The following DOCK6 variants were observed in gnomAD, a reference collection of about 807,000 sequenced individuals.
The protein encoded by DOCK6 is dedicator of cytokinesis protein 6.
In DOCK6, 167 loss-of-function variants were observed where a neutral mutation model predicts 230.3. The ratio of observed to expected loss-of-function variants is 0.73; its 90% CI spans 0.64 to 0.82. The LOEUF is 0.82. Among genes scored for constraint, DOCK6 ranks in the 40% least tolerant of loss-of-function variants. The probability of loss-of-function intolerance (pLI) is 0.00; values close to 1 mark genes in which losing one functional copy is unlikely to be tolerated. For missense variants in DOCK6, 2,598 were observed against 2,825.8 expected, an observed-to-expected ratio of 0.92 and a Z score of 1.83; for synonymous variants, 1,148 against 1,185.0, an observed-to-expected ratio of 0.97 and a Z score of 0.64.
In DOCK6 at chr19:11,204,729, T is replaced by A. The variant is rs150791982; in HGVS notation, c.5089-398A>T. On this transcript the variant is annotated intron_variant, in intron 39 of 47. Coordinates refer to ENST00000294618, the MANE Select transcript of DOCK6 (RefSeq NM_020812.4). ...TAATTTTATTTTAGTTTTTGTAGAG[T>A]CAGGGTCTCACTATATTGCCCTAGT... Among the ~76,000 whole-genome samples, 126 of 151,976 alleles carry A rather than the reference T, an allele frequency of 8.3e-4. 1 individual carries two copies. Among genetic ancestry groups the A allele is most frequent in the African/African-American group, 3.0e-3 (124 of 41,430 alleles).
chr19:11,225,279 T>C (rs2079646752), intron 24 of DOCK6, among the ~76,000 whole-genome samples: 1 of 152,140 alleles, frequency 6.6e-6, no homozygotes, highest in Non-Finnish European at 1.5e-5. Flanking sequence ...ATCTCTTTCT[T>C]GGGGTAGTTT....
At chr19:11,215,532 G>T in intron 31 of DOCK6, 61 bp from the exon 32 acceptor site, 1 of 1,501,666 alleles carries the variant, frequency 6.7e-7, no homozygotes, top group East Asian at 2.3e-5. Context: ...GTGAACATCA[G>T]GAGAAATGCA....
In DOCK6 at chr19:11,213,069, T is replaced by C. The variant is rs938577970; in HGVS notation, c.4491+107A>G. On this transcript the variant is annotated intron_variant, in intron 35 of 47. Coordinates refer to ENST00000294618, the MANE Select transcript of DOCK6 (RefSeq NM_020812.4). ...CATTCTGAGCCCTCCTCCTGCTCAT[T>C]ATGCTCAATGACTGTCTCCCCCTCC... 3 of 1,424,304 alleles carry C rather than the reference T, an allele frequency of 2.1e-6. No homozygotes were observed. In the African/African-American group the frequency reaches 4.2e-5, roughly 20 times the overall value. 88.2% of individuals were successfully genotyped at this position (1,424,304 alleles called of 1,614,324 possible). A position where few individuals can be genotyped will look rare whatever the true frequency, so the allele number is the denominator to read the frequency against.
intron 21 of DOCK6, among the ~76,000 whole-genome samples, chr19:11,235,253 C>A (rs1051245797): frequency 6.6e-6 from 1 of 152,014 alleles, no homozygotes; most frequent in Non-Finnish European, 1.5e-5. Context: ...ATTACAGGCA[C>A]CTACCACCAT....
chr19:11,261,147 GACCCTGTACATTCT>G lies in DOCK6; in HGVS notation c.44+1236_44+1249del, dbSNP rs377516470. ...TCAAAGTCCCTTGCACAGCCCACAC[GACCCTGTACATTCT>G]ACTCTTACTGTCCCCCTCCAGCTCT... On this transcript the variant is annotated intron_variant, in intron 1 of 47. Coordinates refer to ENST00000294618, the MANE Select transcript of DOCK6 (RefSeq NM_020812.4). Among the ~76,000 whole-genome samples, 788 of 151,902 alleles carry G rather than the reference GACCCTGTACATTCT, an allele frequency of 5.2e-3. 4 individuals carry two copies. Among genetic ancestry groups the G allele is most frequent in the Non-Finnish European group, 7.9e-3 (540 of 67,940 alleles).
chr19:11,238,384 C>A, intron 14 of DOCK6, 80 bp from the exon 15 acceptor site: 1 of 1,348,860 alleles, frequency 7.4e-7, no homozygotes, highest in Non-Finnish European at 1.0e-6. Flanking sequence ...TGGGACAAGG[C>A]TGGCTGGGAG....
intron 14 of DOCK6, chr19:11,241,746 G>A: frequency 6.4e-7 from 1 of 1,555,320 alleles, no homozygotes; most frequent in Non-Finnish European, 8.7e-7. Flanking sequence ...CACGCCCCGT[G>A]AGGCCCCTGT....
At chr19:11,232,302 G>A (rs754902385) in intron 22 of DOCK6, 47 of 1,288,842 alleles carry the variant, frequency 3.6e-5, no homozygotes, top group Middle Eastern at 2.1e-4. Flanking sequence ...GGAGATACAC[G>A]GAGAAGTGGT....
In DOCK6 at chr19:11,222,896, G is replaced by A. The variant is rs780826744; in HGVS notation, c.3079C>T (p.Arg1027Trp). The A allele has an allele frequency of 1.9e-5, 31 of 1,608,890 alleles. No individual in the cohort carries two copies. Among genetic ancestry groups the A allele is most frequent in the South Asian group, 1.0e-4 (9 of 90,406 alleles). The change falls in exon 26 of 48, where the codon CGG becomes TGG. Residue 1027 changes from arginine to tryptophan, a missense_variant. By Grantham distance (101) the Arg-to-Trp change is moderately radical. Coordinates refer to ENST00000294618, the MANE Select transcript of DOCK6 (RefSeq NM_020812.4). The surrounding 1 kb of genome is among the most constrained non-coding windows in gnomAD (Gnocchi z 4.0). Reference sequence around the variant, plus strand: ...GCTGGATTAGGGGACGACTGGAGCCGCGTGGCCACCTGCAGGAGAGGGGTG... The same window carrying A: ...GCTGGATTAGGGGACGACTGGAGCCACGTGGCCACCTGCAGGAGAGGGGTG... ...VRAHYKQVAT[R>W]LQSSPNPAAL...
chr19:11,204,371 C>T (rs370575715), intron 39 of DOCK6, 40 bp from the exon 40 acceptor site: 45 of 1,600,352 alleles, frequency 2.8e-5, no homozygotes, highest in East Asian at 2.0e-4. Flanking sequence ...AAACTGTCTT[C>T]CTCTCTCCAC....
chr19:11,228,928 AG>A lies in DOCK6; in HGVS notation c.2814+11del. The A allele has an allele frequency of 6.2e-7, 1 of 1,613,182 alleles. No homozygotes were observed. The highest frequency in any genetic ancestry group is 8.5e-7 in the Non-Finnish European group (1 of 1,179,584). On this transcript the variant is annotated intron_variant, in intron 23 of 47. Transcript: ENST00000294618. ...GGTCTCTTGCCACCAGGCAGGGAGG[AG>A]GGGGTCTCACCATGAGCTGGAAGAA...
In DOCK6 at chr19:11,236,705, C is replaced by T; in HGVS notation, c.2160+88G>A. On this transcript the variant is annotated intron_variant, in intron 19 of 47. Coordinates refer to ENST00000294618, the MANE Select transcript of DOCK6 (RefSeq NM_020812.4). The surrounding 1 kb of genome is among the most constrained non-coding windows in gnomAD (Gnocchi z 5.2). ...TCACGTCCAAGGCCTGAGGCCAGAC[C>T]TCCCCGGCCATCGGCAACTGTTACT... 1 of 1,522,158 alleles carries T rather than the reference C, an allele frequency of 6.6e-7. No homozygotes were observed. The highest frequency in any genetic ancestry group is 8.9e-7 in the Non-Finnish European group (1 of 1,122,020). 94.3% of individuals were successfully genotyped at this position (1,522,158 alleles called of 1,614,324 possible).
intron 24 of DOCK6, among the ~76,000 whole-genome samples, chr19:11,226,513 C>G (rs989158797): frequency 6.6e-6 from 1 of 152,080 alleles, no homozygotes; most frequent in African/African-American, 2.4e-5. Context: ...ACAAAATTAG[C>G]TGGGCGTGGT....
intron 1 of DOCK6, among the ~76,000 whole-genome samples, chr19:11,260,878 G>C (rs1240453855): frequency 1.0e-3 from 5 of 4,846 alleles, no homozygotes; most frequent in African/African-American, 2.8e-3. Flanking sequence ...GCGAGACTCT[G>C]TCTCAAAAAA....
intron 1 of DOCK6, among the ~76,000 whole-genome samples, chr19:11,255,750 T>G (rs531360882): frequency 6.6e-6 from 1 of 152,256 alleles, no homozygotes; most frequent in South Asian, 2.1e-4. Context: ...CAGGGCTTAC[T>G]CCCTTCTGCT....
In DOCK6 at chr19:11,239,975, C is replaced by G. The variant is rs530487180; in HGVS notation, c.1644-1671G>C. ...GCGACACTGTGGGGTGGCCAGGAGT[C>G]CAAAGAGGAGTTCGTGTCTAGGGTA... On this transcript the variant is annotated intron_variant, in intron 14 of 47. Transcript: ENST00000294618. 2.6e-6 allele frequency: 4 copies of G among 1,556,296 alleles called. No homozygotes were observed. In the South Asian group the frequency reaches 4.7e-5, roughly 18 times the overall value.
chr19:11,247,829 G>A (rs2080058838), intron 7 of DOCK6: 1 of 505,952 alleles, frequency 2.0e-6, no homozygotes, highest in African/African-American at 1.9e-5. Context: ...ATATAAGACG[G>A]GTTCATATAC....
intron 14 of DOCK6, chr19:11,239,772 G>T (rs775067650): frequency 1.9e-6 from 3 of 1,611,158 alleles, no homozygotes; most frequent in Non-Finnish European, 2.5e-6. Flanking sequence ...CCCTGCAGCT[G>T]GGCCAGGCCC....
Position 11,238,099 on chromosome 19 carries a change from G to A in DOCK6, c.1778C>T (p.Ser593Phe), listed in dbSNP as rs1247427854. 3.3e-5 allele frequency: 54 copies of A among 1,613,816 alleles called. No individual in the cohort carries two copies. Among genetic ancestry groups the A allele is most frequent in the Non-Finnish European group, 4.6e-5 (54 of 1,179,890 alleles). Residue 593 changes from serine (S) to phenylalanine (F), a missense_variant, in exon 16 of 48, where the codon TCC (serine) becomes TTC (phenylalanine). Ser to Phe is a radical substitution (Grantham distance 155). Coordinates refer to ENST00000294618, the MANE Select transcript of DOCK6 (RefSeq NM_020812.4). ...CTCGCGGGTAAATTCACTGCAGCTG[G>A]ACTTGCCAAAGATGACCTGGGAGAG... ...SQALPVIFGK[S>F]SCSEFTREAF...
Sources: allele counts gnomAD v4.1 joint callset (sites outside exome capture counted in the v4.1 genomes callset), GRCh38; gene constraint gnomAD v4.1.1; non-coding constraint Gnocchi (gnomAD v3.1); transcripts MANE v1.5; gene names NCBI Gene and HGNC (gene_info 2026-07-23, HGNC 2026-07-21).